GSE1: variants seen among roughly 807,000 people sequenced by gnomAD.
GSE1 encodes the protein genetic suppressor element 1.
GSE1 carries 32 observed loss-of-function variants against 112.6 expected under a neutral mutation model. The observed-to-expected ratio is 0.28, with a 90% CI of 0.21 to 0.38. The LOEUF is 0.38. Ranked by LOEUF, GSE1 falls within the 10% of genes least tolerant of loss-of-function variation. GSE1 has a pLI of 1.00. For synonymous variants in GSE1, 1,115 were observed against 735.6 expected (o/e 1.52, Z -8.35); for missense variants, 2,348 against 1,699.2 (o/e 1.38, Z -6.71).
At chr16:85,298,259 C>G (rs1049601971) in intron 1 of GSE1, among the ~76,000 whole-genome samples, 4 of 152,128 alleles carry the variant, frequency 2.6e-5, no homozygotes, top group Admixed American at 6.5e-5. Flanking sequence ...CCCCATCCCT[C>G]AGCTGCCTCC....
chr16:85,171,292 G>T, exon 1 of GSE1: 12 of 985,576 alleles, frequency 1.2e-5, no homozygotes, highest in Non-Finnish European at 1.4e-5. Flanking sequence ...GGGCGGCCCC[G>T]TGTCCATCTG....
intron 1 of GSE1, among the ~76,000 whole-genome samples, chr16:85,598,395 A>G (rs2047326361): frequency 6.6e-6 from 1 of 152,044 alleles, no homozygotes; most frequent in African/African-American, 2.4e-5. Context: ...TTTCAGGAGA[A>G]TGCCCAGCCC....
At chr16:85,369,949 C>T (rs920536903) in intron 2 of GSE1, among the ~76,000 whole-genome samples, 2 of 152,204 alleles carry the variant, frequency 1.3e-5, no homozygotes, top group Non-Finnish European at 2.9e-5. Context: ...TGCGTCACCC[C>T]GGGTCAGTCC....
intron 1 of GSE1, among the ~76,000 whole-genome samples, chr16:85,597,889 T>A (rs2151467013): frequency 6.6e-6 from 1 of 152,338 alleles, no homozygotes; most frequent in South Asian, 2.1e-4. Flanking sequence ...TTTGATCTTC[T>A]CTGCTGCTGT....
At chr16:85,172,665 CAA>C (rs1230724926) in intron 1 of GSE1, among the ~76,000 whole-genome samples, 1 of 152,254 alleles carries the variant, frequency 6.6e-6, no homozygotes, top group Non-Finnish European at 1.5e-5. Context: ...TCATTTCTGC[CAA>C]AGACAGTCAG....
At chr16:85,206,115 G>T (rs1484143018) in intron 1 of GSE1, among the ~76,000 whole-genome samples, 1 of 151,940 alleles carries the variant, frequency 6.6e-6, no homozygotes, top group Non-Finnish European at 1.5e-5. Context: ...ATCTGCCGGG[G>T]GTGCTGGCTG....
chr16:85,652,051 G>A (rs1009565290), intron 3 of GSE1, among the ~76,000 whole-genome samples: 8 of 152,240 alleles, frequency 5.3e-5, no homozygotes, highest in African/African-American at 1.9e-4. Context: ...TCACGGGGCT[G>A]GGGTAGGCAG....
chr16:85,568,546 T>C lies in GSE1; in HGVS notation c.37+12183T>C, dbSNP rs188235748. Among the ~76,000 whole-genome samples the C allele has an allele frequency of 2.4e-4, 37 of 152,298 alleles. 1 individual carries two copies. The East Asian group carries it at 6.9e-3, about 29-fold the overall frequency. On this transcript the variant is annotated intron_variant, in intron 1 of 2. Coordinates refer to the GSE1 transcript ENST00000635906. ...TTAATTTGGGCCAGAAATGAAAGTGTGGAACTGGATAGGCTCATGAATATT... is the reference window on the plus strand; with the variant it reads ...TTAATTTGGGCCAGAAATGAAAGTGCGGAACTGGATAGGCTCATGAATATT...
intron 1 of GSE1, among the ~76,000 whole-genome samples, chr16:85,180,035 G>A (rs1221797757): frequency 6.6e-6 from 1 of 152,260 alleles, no homozygotes; most frequent in Non-Finnish European, 1.5e-5. Flanking sequence ...TGTGGGGCAG[G>A]GAAGACCTGG....
exon 1 of GSE1, chr16:85,170,368 C>T (rs1226355834): frequency 1.6e-5 from 16 of 985,482 alleles, no homozygotes; most frequent in Non-Finnish European, 1.9e-5. Context: ...CTGGCAAGGC[C>T]CTCTTGTCCA....
At chr16:85,653,704 CAGG>C (rs2051642832) in intron 3 of GSE1, among the ~76,000 whole-genome samples, 2 of 152,134 alleles carry the variant, frequency 1.3e-5, no homozygotes. Flanking sequence ...AGGGCCACCC[CAGG>C]AGGTGGTTGG....
chr16:85,566,506 T>C (rs950788021), intron 1 of GSE1, among the ~76,000 whole-genome samples: 2 of 152,238 alleles, frequency 1.3e-5, no homozygotes, highest in African/African-American at 4.8e-5. Flanking sequence ...GAGGGCGCTA[T>C]TGGCCAGCCC....
Position 85,335,001 on chromosome 16 carries a change from C to G in GSE1, c.2284-22462C>G, listed in dbSNP as rs2046452678. Among the ~76,000 whole-genome samples, 6 of 152,242 alleles carry G rather than the reference C, an allele frequency of 3.9e-5. No homozygotes were observed. In the South Asian group the frequency reaches 8.3e-4, roughly 21 times the overall value. On this transcript the variant is annotated intron_variant, in intron 1 of 2. Coordinates refer to the GSE1 transcript ENST00000637419. ...CACCTCCCGCCACCCCTGGAAGCCC[C>G]AGACCCCTGCTCCTTCCTTCAGCTC...
chr16:85,647,203 C>CCAAGGA (rs911880013), intron 2 of GSE1, among the ~76,000 whole-genome samples: 3 of 152,202 alleles, frequency 2.0e-5, no homozygotes, highest in Admixed American at 6.5e-5. Flanking sequence ...TTGGGGTATC[C>CCAAGGA]TCTTGGCTGT....
At chr16:85,486,008 G>A (rs908107029) in intron 2 of GSE1, among the ~76,000 whole-genome samples, 2 of 152,212 alleles carry the variant, frequency 1.3e-5, no homozygotes, top group African/African-American at 4.8e-5. Context: ...CCTGCTAGGG[G>A]GTGTCATGGC....
intron 2 of GSE1, among the ~76,000 whole-genome samples, chr16:85,484,747 C>G (rs1322510897): frequency 1.3e-5 from 2 of 152,252 alleles, no homozygotes; most frequent in Non-Finnish European, 2.9e-5. Flanking sequence ...GGCACAGAGT[C>G]CCTCTCAGCC....
rs552381588 is a variant in GSE1 at position 85,397,697 on chromosome 16, G to A, written c.2464+40054G>A. ...ATCTGGCCCCCTCTGGAGGACGCGC[G>A]TCAGCCTCACACCTGCATCGCCTTT... On this transcript the variant is annotated intron_variant, in intron 2 of 2. Coordinates refer to the GSE1 transcript ENST00000637419. Among the ~76,000 whole-genome samples, 3 of 152,352 alleles carry A rather than the reference G, an allele frequency of 2.0e-5. No homozygotes were observed. The South Asian group carries it at 6.2e-4, about 32-fold the overall frequency.
chr16:85,669,396 T>TAC lies in GSE1; in HGVS notation c.3415+972_3415+973insAC, dbSNP rs2053144505. ...CCACTTCAAATACTTAGAAAAGTAG[T>TAC]TTTTTTCTTTTTTCTCCTGGTAGAA... On this transcript the variant is annotated intron_variant, in intron 14 of 15. Transcript: ENST00000253458. 2.6e-5 allele frequency among the ~76,000 whole-genome samples: 4 copies of TAC among 152,252 alleles called. No homozygotes were observed. The South Asian group carries it at 8.3e-4, about 31-fold the overall frequency.
intron 1 of GSE1, among the ~76,000 whole-genome samples, chr16:85,319,989 C>T (rs539505443): frequency 5.9e-5 from 9 of 152,324 alleles, no homozygotes; most frequent in Middle Eastern, 3.4e-3. Flanking sequence ...CCTACCCAGC[C>T]GGTTCGCTTC....
Sources: allele counts gnomAD v4.1 joint callset (sites outside exome capture counted in the v4.1 genomes callset), GRCh38; gene constraint gnomAD v4.1.1; transcripts MANE v1.5; gene names NCBI Gene and HGNC (gene_info 2026-07-23, HGNC 2026-07-21).